ATP6V1G3: variants seen among roughly 807,000 people sequenced by gnomAD.
ATP6V1G3 encodes ATPase H+ transporting V1 subunit G3, also known as V-type proton ATPase subunit G 3.
Under a neutral mutation model 9.3 loss-of-function variants are expected in ATP6V1G3, and 9 were observed. The observed-to-expected ratio is 0.97, with a 90% CI of 0.59 to 1.69. The LOEUF (loss-of-function observed/expected upper bound fraction) is 1.69, where lower values mean the gene tolerates loss of function less well. Among genes scored for constraint, ATP6V1G3 ranks in the 40% most tolerant of loss-of-function variants. The probability of loss-of-function intolerance (pLI) is 0.00; values close to 1 mark genes in which losing one functional copy is unlikely to be tolerated. For synonymous variants in ATP6V1G3, 43 were observed against 43.8 expected (o/e 0.98, Z 0.07); for missense variants, 133 against 139.0 (o/e 0.96, Z 0.22).
Position 198,523,516 on chromosome 1 carries a change from G to A in ATP6V1G3, c.232C>T (p.Leu78=), listed in dbSNP as rs1266446644. The A allele has an allele frequency of 2.5e-6, 4 of 1,613,246 alleles. No individual in the cohort carries two copies. The highest frequency in any genetic ancestry group is 1.6e-4 in the Middle Eastern group (1 of 6,076). ...NLSDEIEEQT[L]GKIQELNGHY... is the part of the protein sequence containing the mutation. The stretch of plus-strand genomic sequence containing the variant: ...CCATTAAGTTCTTGTATCTTCCCTA[G>A]TGTTTGTTCTTCTATTTCATCTGAG... Residue 78 remains leucine (L), a synonymous_variant, in exon 3 of 3, where the codon CTA becomes TTA. Coordinates refer to ENST00000367382, the MANE Select transcript of ATP6V1G3 (RefSeq NM_001376861.1).
chr1:198,531,488 G>A (rs777722114), intron 1 of ATP6V1G3, among the ~76,000 whole-genome samples: 1 of 152,196 alleles, frequency 6.6e-6, no homozygotes, highest in Non-Finnish European at 1.5e-5. Context: ...CAGGTGGTTT[G>A]TGGGAAAAGG....
chr1:198,530,293 G>T lies in ATP6V1G3; in HGVS notation c.83-1112C>A, dbSNP rs140840703. Among the ~76,000 whole-genome samples, 677 of 152,132 alleles carry T rather than the reference G, an allele frequency of 4.5e-3. 7 individuals carry two copies. Among genetic ancestry groups the T allele is most frequent in the African/African-American group, 0.016 (649 of 41,504 alleles). On this transcript the variant is annotated intron_variant, in intron 1 of 2. Transcript: ENST00000367382. Reference sequence around the variant, plus strand: ...TGAACTAAAGAATAATGTGTTCTCAGGTAGCATGAAAGAAAATCTTAGTGT... The same window carrying T: ...TGAACTAAAGAATAATGTGTTCTCATGTAGCATGAAAGAAAATCTTAGTGT...
intron 1 of ATP6V1G3, 57 bp from the exon 2 acceptor site, chr1:198,529,238 ATATT>A (rs1191619642): frequency 1.2e-4 from 44 of 377,166 alleles, no homozygotes; most frequent in Non-Finnish European, 1.7e-4. Flanking sequence ...CAATATATAA[ATATT>A]TATTATATAT....
At chr1:198,533,776 C>A (rs141110647) in intron 1 of ATP6V1G3, among the ~76,000 whole-genome samples, 1 of 151,996 alleles carries the variant, frequency 6.6e-6, no homozygotes, top group Non-Finnish European at 1.5e-5. Flanking sequence ...AAATTGGGGT[C>A]CGACTTTAAG....
chr1:198,530,852 C>A (rs907011256), intron 1 of ATP6V1G3, among the ~76,000 whole-genome samples: 2 of 152,174 alleles, frequency 1.3e-5, no homozygotes, highest in Middle Eastern at 3.4e-3. Context: ...AACAAAAATA[C>A]AGAATGTTAA....
In ATP6V1G3 at chr1:198,530,003, G is replaced by A. The variant is rs554911288; in HGVS notation, c.83-822C>T. Reference sequence around the variant, plus strand: ...TTTTTTTGACAACCAGAGTAAGTTTGGGGGGGGTTACAGACAAATATTAAT... The same window carrying A: ...TTTTTTTGACAACCAGAGTAAGTTTAGGGGGGGTTACAGACAAATATTAAT... On this transcript the variant is annotated intron_variant, in intron 1 of 2. Coordinates refer to ENST00000367382, the MANE Select transcript of ATP6V1G3 (RefSeq NM_001376861.1). 5.3e-5 allele frequency among the ~76,000 whole-genome samples: 8 copies of A among 151,412 alleles called. No individual in the cohort carries two copies. The South Asian group carries it at 8.3e-4, about 16-fold the overall frequency.
At chr1:198,531,948 C>A (rs1401422703) in intron 1 of ATP6V1G3, among the ~76,000 whole-genome samples, 1 of 151,550 alleles carries the variant, frequency 6.6e-6, no homozygotes, top group Non-Finnish European at 1.5e-5. Flanking sequence ...TTCCTAGGGG[C>A]CTTTTGCTAA....
At chr1:198,538,151 C>A (rs16843271) in intron 1 of ATP6V1G3, among the ~76,000 whole-genome samples, 3 of 151,838 alleles carry the variant, frequency 2.0e-5, no homozygotes, top group Non-Finnish European at 2.9e-5. Context: ...GTTGAATATC[C>A]CCTTGAATAT....
upstream of ATP6V1G3, chr1:198,540,806 T>C: frequency 1.4e-6 from 1 of 734,374 alleles, no homozygotes; most frequent in Non-Finnish European, 2.3e-6. Flanking sequence ...GATAGCTGGG[T>C]CCCAAGGAAA....
intron 2 of ATP6V1G3, 109 bp from the exon 3 acceptor site, chr1:198,523,673 T>G: frequency 9.9e-7 from 1 of 1,006,494 alleles, no homozygotes; most frequent in East Asian, 2.7e-5. Flanking sequence ...AATTATGTAC[T>G]CCTTTTCTAG....
At chr1:198,528,037 A>G (rs1659731336) in intron 2 of ATP6V1G3, among the ~76,000 whole-genome samples, 2 of 152,258 alleles carry the variant, frequency 1.3e-5, no homozygotes, top group South Asian at 2.1e-4. Flanking sequence ...CAAAAGACCA[A>G]TATGGCTAGA....
chr1:198,538,891 C>CAAAAAAAAAAAAAAAAAA (rs71569596), intron 1 of ATP6V1G3, among the ~76,000 whole-genome samples: 16 of 97,314 alleles, frequency 1.6e-4, no homozygotes, highest in African/African-American at 4.4e-4. Context: ...GACCCTGTCT[C>CAAAAAAAAAAAAAAAAAA]AAAAAAAAAA....
At chr1:198,539,587 A>G (rs531050035) in intron 1 of ATP6V1G3, among the ~76,000 whole-genome samples, 17 of 152,204 alleles carry the variant, frequency 1.1e-4, no homozygotes, top group Non-Finnish European at 2.4e-4. Flanking sequence ...TGTAAAGCAC[A>G]GTGGTTAAGA....
chr1:198,529,198 ATATATATATATATATATAAT>A lies in ATP6V1G3; in HGVS notation c.83-37_83-18del, dbSNP rs760934933. 26 of 332,494 alleles carry A rather than the reference ATATATATATATATATATAAT, an allele frequency of 7.8e-5. 1 individual carries two copies. The South Asian group carries it at 1.9e-3, about 24-fold the overall frequency. The allele number at this position is 332,494 out of a possible 1,614,324, so 20.6% of individuals were successfully genotyped here. A position where few individuals can be genotyped will look rare whatever the true frequency, so the allele number is the denominator to read the frequency against. On this transcript the variant is annotated intron_variant, in intron 1 of 2. Transcript: ENST00000367382. Reference sequence around the variant, plus strand: ...TTCCTTTTCCTGAAAATTAACAAATATATATATATATATATATAATTATATATATCAATATATAAATATTT... The same window carrying A: ...TTCCTTTTCCTGAAAATTAACAAATATATATATATCAATATATAAATATTT...
At chr1:198,523,632 C>T (rs1659538261) in intron 2 of ATP6V1G3, 68 bp from the exon 3 acceptor site, 4 of 1,450,262 alleles carry the variant, frequency 2.8e-6, no homozygotes, top group Non-Finnish European at 3.8e-6. Flanking sequence ...TTTGTCCTAG[C>T]CTGTTTACTG....
At chr1:198,540,149 A>G (rs1660288906) in intron 1 of ATP6V1G3, among the ~76,000 whole-genome samples, 1 of 152,192 alleles carries the variant, frequency 6.6e-6, no homozygotes, top group South Asian at 2.1e-4. Flanking sequence ...CTACCAAGAG[A>G]GGGATGAGAA....
intron 2 of ATP6V1G3, among the ~76,000 whole-genome samples, chr1:198,524,375 A>G (rs1659576515): frequency 6.6e-6 from 1 of 152,002 alleles, no homozygotes; most frequent in Non-Finnish European, 1.5e-5. Context: ...CGCCTTCCTC[A>G]GCCTCCCAAA....
chr1:198,531,592 G>A (rs569581802), intron 1 of ATP6V1G3, among the ~76,000 whole-genome samples: 59 of 152,036 alleles, frequency 3.9e-4, no homozygotes, highest in Non-Finnish European at 7.8e-4. Context: ...CTTCTCATTA[G>A]GACAGGCCAG....
rs544710241 is a variant in ATP6V1G3 at position 198,524,170 on chromosome 1, G to A, written c.184-606C>T. Among the ~76,000 whole-genome samples, 28 of 149,138 alleles carry A rather than the reference G, an allele frequency of 1.9e-4. No homozygotes were observed. The South Asian group carries it at 3.8e-3, about 20-fold the overall frequency. ...GATGGGTTCTCACTGTGTCGCCCAG[G>A]CTGGAGTGCAATAGCGTAGTCTTGG... On this transcript the variant is annotated intron_variant, in intron 2 of 2. Coordinates refer to ENST00000367382, the MANE Select transcript of ATP6V1G3 (RefSeq NM_001376861.1).
Sources: allele counts gnomAD v4.1 joint callset (sites outside exome capture counted in the v4.1 genomes callset), GRCh38; gene constraint gnomAD v4.1.1; transcripts MANE v1.5; gene names NCBI Gene and HGNC (gene_info 2026-07-23, HGNC 2026-07-21).